ZNF619: variants seen among roughly 807,000 people sequenced by gnomAD.
The protein encoded by ZNF619 is zinc finger protein 619.
A neutral mutation model predicts 14.2 loss-of-function variants in ZNF619; 9 were observed. The observed-to-expected ratio is 0.64, with a 90% confidence interval of 0.38 to 1.11. The LOEUF (loss-of-function observed/expected upper bound fraction) is 1.11. Ranked by LOEUF, ZNF619 falls within the 50% of genes least tolerant of loss-of-function variation. ZNF619 has a pLI of 0.01. For missense variants in ZNF619, 659 were observed against 680.1 expected (o/e 0.97, Z 0.34); for synonymous variants, 246 against 252.8 (o/e 0.97, Z 0.26).
intron 2 of ZNF619, among the ~76,000 whole-genome samples, chr3:40,480,875 G>A (rs1447073422): frequency 6.6e-6 from 1 of 152,180 alleles, no homozygotes; most frequent in Non-Finnish European, 1.5e-5. Flanking sequence ...TTGTTGACAT[G>A]ATGAATTGAG....
At chr3:40,477,878 GGAGAC>G (rs1697245056) in intron 1 of ZNF619, 35 bp from the exon 2 acceptor site, 1 of 1,146,658 alleles carries the variant, frequency 8.7e-7, no homozygotes, top group Non-Finnish European at 1.3e-6. Flanking sequence ...GGCAAGTGTA[GGAGAC>G]GAGACAGATC....
intron 4 of ZNF619, among the ~76,000 whole-genome samples, chr3:40,484,736 C>G (rs980453921): frequency 6.6e-6 from 1 of 152,160 alleles, no homozygotes; most frequent in Non-Finnish European, 1.5e-5. Flanking sequence ...AATTAATTTA[C>G]ATTTAAATAG....
At chr3:40,480,730 G>T (rs1697359752) in intron 2 of ZNF619, among the ~76,000 whole-genome samples, 1 of 152,088 alleles carries the variant, frequency 6.6e-6, no homozygotes, top group African/African-American at 2.4e-5. Context: ...TTGATCTCCT[G>T]ACCTCGCGAT....
chr3:40,482,917 C>G (rs1256065636), intron 4 of ZNF619, among the ~76,000 whole-genome samples: 1 of 152,154 alleles, frequency 6.6e-6, no homozygotes, highest in East Asian at 1.9e-4. Context: ...CTTTGTAAAG[C>G]TAAAGGATTT....
chr3:40,479,716 G>A (rs1309366228), intron 2 of ZNF619, among the ~76,000 whole-genome samples: 2 of 152,190 alleles, frequency 1.3e-5, no homozygotes, highest in African/African-American at 2.4e-5. Flanking sequence ...ATTTGGGCCA[G>A]ATAATTCTTT....
chr3:40,481,529 C>T, intron 2 of ZNF619, among the ~76,000 whole-genome samples: 1 of 152,096 alleles, frequency 6.6e-6, no homozygotes, highest in East Asian at 1.9e-4. Flanking sequence ...ATACGTGCTT[C>T]AGGATGGATG....
Position 40,482,653 on chromosome 3 carries a change from C to T in ZNF619, c.244C>T (p.Pro82Ser). The change falls in exon 4 of 5, where the codon CCA becomes TCA. Residue 82 changes from proline (P) to serine (S), a missense_variant. By Grantham distance (74) the Pro-to-Ser change is moderately conservative. Coordinates refer to ENST00000432264, the MANE Select transcript of ZNF619 (RefSeq NM_001145093.4). ...QLEQGEAAWG[P>S]DPWTLAGGEA... ...GGAGCAAGGAGAAGCAGCATGGGGCCCAGATCCCTGGACACTTGCTGGGGG... is the reference window on the plus strand; with the variant it reads ...GGAGCAAGGAGAAGCAGCATGGGGCTCAGATCCCTGGACACTTGCTGGGGG... 6.2e-7 allele frequency: 1 copy of T among 1,614,082 alleles called. No individual in the cohort carries two copies. The highest frequency in any genetic ancestry group is 1.7e-5 in the Admixed American group (1 of 60,008).
In ZNF619 at chr3:40,489,580, T is replaced by A. The variant is rs1697746041; in HGVS notation, c.*1339T>A. The A allele has an allele frequency of 6.6e-6, 1 of 151,988 alleles. No individual in the cohort carries two copies. The highest frequency in any genetic ancestry group is 1.5e-5 in the Non-Finnish European group (1 of 68,018). 9.4% of individuals were successfully genotyped at this position (151,988 alleles called of 1,614,324 possible). A position where few individuals can be genotyped will look rare whatever the true frequency, so the allele number is the denominator to read the frequency against. On this transcript the variant is annotated 3_prime_UTR_variant, in exon 5 of 5. Coordinates refer to ENST00000432264, the MANE Select transcript of ZNF619 (RefSeq NM_001145093.4). Reference sequence around the variant, plus strand: ...CCTTTTCATATCTGTTGAATTTCAGTACCCACTCATATATGTAGGTACAAA... The same window carrying A: ...CCTTTTCATATCTGTTGAATTTCAGAACCCACTCATATATGTAGGTACAAA...
chr3:40,487,788 A>G lies in ZNF619; in HGVS notation c.1278A>G (p.Lys426=). ...ATCAGAGAATCCACAATGGGGAGAA[A>G]CCCTATGAATGCCAGGAATGTGGGA... The part of the protein sequence containing the change: ...IVHQRIHNGE[K]PYECQECGKT... The change falls in exon 5 of 5, where the codon AAA becomes AAG. Residue 426 remains lysine (K), a synonymous_variant. Transcript: ENST00000432264. 6.2e-7 allele frequency: 1 copy of G among 1,613,818 alleles called. No homozygotes were observed. Among genetic ancestry groups the G allele is most frequent in the Non-Finnish European group, 8.5e-7 (1 of 1,179,954 alleles).
intron 4 of ZNF619, among the ~76,000 whole-genome samples, chr3:40,486,207 T>G (rs1424522978): frequency 6.6e-6 from 1 of 152,196 alleles, no homozygotes; most frequent in Non-Finnish European, 1.5e-5. Flanking sequence ...TTCCTCTACT[T>G]TTCTTCATTG....
At chr3:40,486,115 C>G (rs1697571117) in intron 4 of ZNF619, among the ~76,000 whole-genome samples, 1 of 152,188 alleles carries the variant, frequency 6.6e-6, no homozygotes, top group Admixed American at 6.5e-5. Flanking sequence ...TACCTCCCAG[C>G]CCTCTGGATA....
chr3:40,482,856 C>A (rs867264262), intron 4 of ZNF619, 152 bp downstream of exon 4: 2 of 614,174 alleles, frequency 3.3e-6, no homozygotes, highest in Admixed American at 6.3e-5. Flanking sequence ...ACCAGAACTT[C>A]ATCCCCGAAC....
At chr3:40,480,045 TG>T (rs1243813679) in intron 2 of ZNF619, among the ~76,000 whole-genome samples, 1 of 152,180 alleles carries the variant, frequency 6.6e-6, no homozygotes, top group African/African-American at 2.4e-5. Flanking sequence ...AGAGAAGATC[TG>T]GAGAAGCTAA....
chr3:40,487,751 G>C lies in ZNF619; in HGVS notation c.1241G>C (p.Arg414Pro). The C allele has an allele frequency of 6.2e-7, 1 of 1,612,926 alleles. No homozygotes were observed. Among genetic ancestry groups the C allele is most frequent in the Non-Finnish European group, 8.5e-7 (1 of 1,179,758 alleles). Residue 414 changes from arginine to proline, a missense_variant, in exon 5 of 5, where the codon CGC becomes CCC. Physicochemically the swap from Arg to Pro is moderately radical, Grantham distance 103 (BLOSUM62 -2). Coordinates refer to ENST00000432264, the MANE Select transcript of ZNF619 (RefSeq NM_001145093.4). ...TGGAAAACTTTCAGCTGTAGCTCCC[G>C]CTTCATAGTGCATCAGAGAATCCAC... ...ECWKTFSCSS[R>P]FIVHQRIHNG... is the part of the protein sequence containing the mutation.
chr3:40,483,533 C>T, intron 4 of ZNF619: 1 of 405,588 alleles, frequency 2.5e-6, no homozygotes, highest in Non-Finnish European at 4.9e-6. Context: ...TCTTGGTCCG[C>T]CCCACCCTCG....
Position 40,488,073 on chromosome 3 carries a change from T to G in ZNF619, c.1563T>G (p.Ser521=), listed in dbSNP as rs370842644. 4 of 1,614,216 alleles carry G rather than the reference T, an allele frequency of 2.5e-6. No individual in the cohort carries two copies. Among genetic ancestry groups the G allele is most frequent in the East Asian group, 2.2e-5 (1 of 44,890 alleles). ...SALAPPGPPL[S]SSHAVVLPPS... is the part of the protein sequence containing the mutation. ...TAGCCCCACCAGGGCCTCCCTTATC[T>G]TCTTCACATGCAGTGGTACTTCCTC... The change falls in exon 5 of 5, where the codon TCT becomes TCG. Residue 521 remains serine (S), a synonymous_variant. Coordinates refer to ENST00000432264, the MANE Select transcript of ZNF619 (RefSeq NM_001145093.4).
intron 2 of ZNF619, 110 bp downstream of exon 2, chr3:40,478,113 TA>T (rs56752425): frequency 0.029 from 29,934 of 1,029,158 alleles, 1,755 homozygotes; most frequent in African/African-American, 0.19. Context: ...CATCCTTCAA[TA>T]AAGTATGTAA....
intron 4 of ZNF619, among the ~76,000 whole-genome samples, chr3:40,484,264 GTATAAAACTA>G (rs1328763639): frequency 2.6e-5 from 4 of 152,172 alleles, no homozygotes; most frequent in Admixed American, 2.0e-4. Flanking sequence ...GTGTGTGTGT[GTATAAAACTA>G]TATATGTAAA....
At chr3:40,478,432 G>A (rs929390142) in intron 2 of ZNF619, among the ~76,000 whole-genome samples, 1 of 152,176 alleles carries the variant, frequency 6.6e-6, no homozygotes, top group African/African-American at 2.4e-5. Context: ...CATTTCTGAG[G>A]TTAAATAGAC....
Sources: allele counts gnomAD v4.1 joint callset (sites outside exome capture counted in the v4.1 genomes callset), GRCh38; gene constraint gnomAD v4.1.1; transcripts MANE v1.5; gene names NCBI Gene and HGNC (gene_info 2026-07-23, HGNC 2026-07-21).